Variants in ADAM22 observed in about 807,000 individuals in gnomAD.
ADAM22 encodes ADAM metallopeptidase domain 22.
Under a neutral mutation model 144.6 loss-of-function variants are expected in ADAM22, and 65 were observed. The ratio of observed to expected loss-of-function variants is 0.45; its 90% confidence interval spans 0.37 to 0.55. The LOEUF (loss-of-function observed/expected upper bound fraction) is 0.55. Ranked by LOEUF, ADAM22 falls within the 20% of genes least tolerant of loss-of-function variation. The pLI, the probability that ADAM22 is intolerant of heterozygous loss-of-function variation, is 0.00. For missense variants in ADAM22, 974 were observed against 1,184.9 expected, an observed-to-expected ratio of 0.82 and a Z score of 2.61; for synonymous variants, 391 against 412.6, an observed-to-expected ratio of 0.95 and a Z score of 0.63.
At chr7:88,032,175 C>A (rs775595437) in intron 3 of ADAM22, among the ~76,000 whole-genome samples, 5 of 152,186 alleles carry the variant, frequency 3.3e-5, no homozygotes, top group Admixed American at 1.3e-4. Flanking sequence ...AATGATAGAT[C>A]CACTGACAAC....
chr7:87,957,956 T>A (rs1847179934), intron 2 of ADAM22, among the ~76,000 whole-genome samples: 1 of 152,192 alleles, frequency 6.6e-6, no homozygotes, highest in South Asian at 2.1e-4. Context: ...TAAATGTCTA[T>A]CTTTTATAGC....
intron 4 of ADAM22, among the ~76,000 whole-genome samples, chr7:88,096,347 T>C (rs980101792): frequency 4.6e-5 from 7 of 151,926 alleles, no homozygotes; most frequent in African/African-American, 9.7e-5. Context: ...ATTTCTGCTT[T>C]TCTTTTCATA....
intron 3 of ADAM22, among the ~76,000 whole-genome samples, chr7:88,003,942 C>T (rs1025294752): frequency 5.9e-5 from 9 of 152,150 alleles, no homozygotes; most frequent in African/African-American, 2.2e-4. Context: ...TTACTTGCAC[C>T]TGGTGGAAAA....
intron 3 of ADAM22, among the ~76,000 whole-genome samples, chr7:88,051,737 G>T (rs1340738010): frequency 6.6e-6 from 1 of 151,772 alleles, no homozygotes; most frequent in African/African-American, 2.4e-5. Flanking sequence ...TTTTTCAGTA[G>T]TCCATTTTTT....
intron 3 of ADAM22, among the ~76,000 whole-genome samples, chr7:87,999,569 A>G (rs1792042906): frequency 2.6e-5 from 4 of 152,306 alleles, no homozygotes; most frequent in African/African-American, 9.6e-5. Flanking sequence ...CACCCTAAAA[A>G]CACCCAGATA....
intron 12 of ADAM22, 121 bp from the exon 13 acceptor site, chr7:88,134,208 C>T: frequency 1.5e-6 from 1 of 685,124 alleles, no homozygotes; most frequent in Non-Finnish European, 2.4e-6. Flanking sequence ...TGTGTTCAGC[C>T]TCTTCTAAAG....
At chr7:88,068,270 T>C (rs1156746994) in intron 3 of ADAM22, among the ~76,000 whole-genome samples, 1 of 152,142 alleles carries the variant, frequency 6.6e-6, no homozygotes, top group Non-Finnish European at 1.5e-5. Flanking sequence ...TAAAAAACCT[T>C]TCCAAGCTCA....
Position 88,201,650 on chromosome 7 carries a change from T to C in ADAM22, c.*5159T>C, listed in dbSNP as rs1851209309. ...TGCACTGTTCATAAAACCTGTATCA[T>C]ATGGGGAAGCTTCAAGGCTGGCAGG... is the stretch of plus-strand genomic sequence containing the variant. On this transcript the variant is annotated 3_prime_UTR_variant, in exon 32 of 32. Transcript: ENST00000413139. The C allele has an allele frequency of 6.6e-6, 1 of 152,170 alleles. No homozygotes were observed. Among genetic ancestry groups the C allele is most frequent in the Non-Finnish European group, 1.5e-5 (1 of 68,038 alleles). The allele number at this position is 152,170 out of a possible 1,614,324, so 9.4% of individuals were successfully genotyped here.
intron 3 of ADAM22, among the ~76,000 whole-genome samples, chr7:88,043,565 A>G (rs1252901473): frequency 6.6e-6 from 1 of 151,946 alleles, no homozygotes; most frequent in Non-Finnish European, 1.5e-5. Context: ...TATGCTAGCC[A>G]GTCTCAGTGG....
chr7:88,074,397 T>C (rs970052061), intron 3 of ADAM22, among the ~76,000 whole-genome samples: 1 of 152,192 alleles, frequency 6.6e-6, no homozygotes, highest in Non-Finnish European at 1.5e-5. Flanking sequence ...TAGCAAAATA[T>C]ATACTGAAAA....
At chr7:88,144,416 C>T (rs1181639961) in intron 15 of ADAM22, among the ~76,000 whole-genome samples, 1 of 152,108 alleles carries the variant, frequency 6.6e-6, no homozygotes, top group African/African-American at 2.4e-5. Flanking sequence ...TACTCTTGGA[C>T]AGGCCAAAAT....
chr7:87,966,721 G>GTTTTTTTTTTTTTTTTTTTTTTTT lies in ADAM22; in HGVS notation c.247-11607_247-11584dup, dbSNP rs71120012. On this transcript the variant is annotated intron_variant, in intron 2 of 31. Coordinates refer to ENST00000413139, the MANE Select transcript of ADAM22 (RefSeq NM_001324418.2). ...GAGTTCATCTTATCCAAGGAAAGCC[G>GTTTTTTTTTTTTTTTTTTTTTTTT]TTTTTTTTTTTTTTTTTTTTTTTTT... 1.5e-4 allele frequency among the ~76,000 whole-genome samples: 6 copies of GTTTTTTTTTTTTTTTTTTTTTTTT among 39,886 alleles called. 1 individual carries two copies. The highest frequency in any genetic ancestry group is 1.7e-3 in the South Asian group (1 of 600). 26.2% of individuals were successfully genotyped at this position (39,886 alleles called of 152,430 possible). A position where few individuals can be genotyped will look rare whatever the true frequency, so the allele number is the denominator to read the frequency against.
At chr7:88,143,149 T>C in intron 15 of ADAM22, 24 bp downstream of exon 15, 1 of 1,415,126 alleles carries the variant, frequency 7.1e-7, no homozygotes, top group Middle Eastern at 1.9e-4. Flanking sequence ...TTAATAAGGT[T>C]TATAATATTA....
chr7:88,128,781 A>G (rs1463639439), intron 9 of ADAM22, 105 bp downstream of exon 9: 7 of 833,716 alleles, frequency 8.4e-6, no homozygotes, highest in East Asian at 5.3e-5. Flanking sequence ...TGTAACCTGG[A>G]GAAGGTATTT....
At chr7:88,110,174 TCAGA>T (rs1244951848) in intron 5 of ADAM22, among the ~76,000 whole-genome samples, 1 of 152,174 alleles carries the variant, frequency 6.6e-6, no homozygotes, top group African/African-American at 2.4e-5. Context: ...ATGCTTAATA[TCAGA>T]CAGTCTCTGT....
At chr7:88,054,454 C>A (rs922751146) in intron 3 of ADAM22, among the ~76,000 whole-genome samples, 5 of 152,144 alleles carry the variant, frequency 3.3e-5, no homozygotes, top group African/African-American at 1.2e-4. Context: ...TCCACCACAG[C>A]TCCCTCCATC....
chr7:88,174,491 C>G (rs138050879), intron 26 of ADAM22, among the ~76,000 whole-genome samples: 1 of 152,162 alleles, frequency 6.6e-6, no homozygotes, highest in East Asian at 1.9e-4. Context: ...AGGAAAACTT[C>G]CCCAATTTTT....
chr7:88,163,786 A>G (rs1842323621), intron 23 of ADAM22, among the ~76,000 whole-genome samples: 1 of 152,136 alleles, frequency 6.6e-6, no homozygotes, highest in Non-Finnish European at 1.5e-5. Flanking sequence ...AGGTAAGTTT[A>G]CAGGTTAAAT....
chr7:87,995,084 C>A (rs930841191), intron 3 of ADAM22, among the ~76,000 whole-genome samples: 2 of 152,188 alleles, frequency 1.3e-5, no homozygotes, highest in African/African-American at 4.8e-5. Flanking sequence ...TCCCAAAGTG[C>A]TGGGATTACA....
Sources: allele counts gnomAD v4.1 joint callset (sites outside exome capture counted in the v4.1 genomes callset), GRCh38; gene constraint gnomAD v4.1.1; transcripts MANE v1.5; gene names NCBI Gene and HGNC (gene_info 2026-07-23, HGNC 2026-07-21).